The following HIRA variants were observed in gnomAD, a reference collection of about 807,000 sequenced individuals.
HIRA encodes the protein histone cell cycle regulator, also known as protein HIRA.
HIRA carries 13 observed loss-of-function variants against 126.6 expected under a neutral mutation model. The observed-to-expected ratio is 0.10, with a 90% CI of 0.07 to 0.16. The LOEUF is 0.16. HIRA is among the 10% of genes least tolerant of loss of function. HIRA has a pLI of 1.00. For synonymous variants in HIRA, 511 were observed against 520.0 expected (o/e 0.98, Z 0.24); for missense variants, 834 against 1,314.4 (o/e 0.63, Z 5.65).
chr22:19,350,225 G>A (rs1556010396), intron 24 of HIRA, among the ~76,000 whole-genome samples: 1 of 152,060 alleles, frequency 6.6e-6, no homozygotes, highest in Non-Finnish European at 1.5e-5. Flanking sequence ...CTCTCCATAA[G>A]AAAGCAGATC....
chr22:19,356,153 T>A, intron 20 of HIRA, 77 bp downstream of exon 20: 1 of 1,375,222 alleles, frequency 7.3e-7, no homozygotes, highest in Non-Finnish European at 1.0e-6. Context: ...CCTGGCTCTC[T>A]GAGCGGGGCC....
chr22:19,364,047 T>C (rs1293384318), intron 15 of HIRA, among the ~76,000 whole-genome samples: 1 of 152,002 alleles, frequency 6.6e-6, no homozygotes, highest in Non-Finnish European at 1.5e-5. Flanking sequence ...TGGTGGGGGA[T>C]GCTGAAAGTG....
intron 1 of HIRA, among the ~76,000 whole-genome samples, chr22:19,420,040 TTGTGTGTGTG>T (rs59900884): frequency 8.4e-4 from 124 of 147,318 alleles, no homozygotes; most frequent in African/African-American, 2.8e-3. Context: ...CATACAACCA[TTGTGTGTGTG>T]TGTGTGTGTG....
intron 1 of HIRA, chr22:19,430,338 G>A (rs1302814654): frequency 2.0e-5 from 3 of 152,290 alleles, no homozygotes; most frequent in African/African-American, 7.2e-5. Flanking sequence ...CACACAAGAT[G>A]GAAGGAGAGA....
chr22:19,411,667 T>C (rs2089353921), intron 1 of HIRA, among the ~76,000 whole-genome samples: 1 of 152,250 alleles, frequency 6.6e-6, no homozygotes, highest in South Asian at 2.1e-4. Context: ...AGGAGATACA[T>C]GACAATGATC....
intron 15 of HIRA, among the ~76,000 whole-genome samples, chr22:19,362,421 A>G (rs2088872520): frequency 6.6e-6 from 1 of 152,152 alleles, no homozygotes; most frequent in Admixed American, 6.5e-5. Context: ...TCTTTCTACT[A>G]CCCATGAAGT....
chr22:19,348,765 A>G (rs2088719440), intron 24 of HIRA, among the ~76,000 whole-genome samples: 1 of 151,082 alleles, frequency 6.6e-6, no homozygotes, highest in African/African-American at 2.4e-5. Flanking sequence ...AAAGTGCTGG[A>G]ATTACAGGAG....
chr22:19,411,731 G>GA (rs1440232539), intron 1 of HIRA, among the ~76,000 whole-genome samples: 1 of 152,142 alleles, frequency 6.6e-6, no homozygotes. Context: ...TCTCTTAATT[G>GA]AACATGTTCT....
intron 13 of HIRA, among the ~76,000 whole-genome samples, chr22:19,382,771 CTTTT>C (rs796469831): frequency 3.9e-5 from 4 of 102,110 alleles, no homozygotes; most frequent in African/African-American, 6.4e-5. Context: ...ATTTTTCTTT[CTTTT>C]TTTTTTTTTT....
At position 19,407,255 on chromosome 22, in the gene HIRA, C is replaced by T; in HGVS notation, c.231G>A (p.Arg77=). The T allele has an allele frequency of 1.2e-6, 2 of 1,613,800 alleles. No homozygotes were observed. The highest frequency in any genetic ancestry group is 1.7e-6 in the Non-Finnish European group (2 of 1,179,768). The change falls in exon 4 of 25, where the codon CGG becomes CGA. Residue 77 remains arginine (R), a synonymous_variant. Coordinates refer to ENST00000263208, the MANE Select transcript of HIRA (RefSeq NM_003325.4). The stretch of plus-strand genomic sequence containing the variant: ...CTAAATACATCCCACTGTTTGACCA[C>T]CGCACACAGTTCACACATGCTGGGA... ...DNHLACVNCV[R]WSNSGMYLAS...
intron 1 of HIRA, 120 bp downstream of exon 1, chr22:19,431,320 T>C (rs900398542): frequency 1.7e-6 from 2 of 1,169,654 alleles, no homozygotes; most frequent in Admixed American, 3.5e-5. Flanking sequence ...GCTTCTTGGC[T>C]TGGGCACCGG....
chr22:19,347,960 C>G (rs922540181), intron 24 of HIRA, among the ~76,000 whole-genome samples: 1 of 152,024 alleles, frequency 6.6e-6, no homozygotes, highest in Non-Finnish European at 1.5e-5. Context: ...ACAAAACAAA[C>G]AAACAACTTG....
At chr22:19,390,601 C>CAAAAAA (rs575050947) in intron 9 of HIRA, among the ~76,000 whole-genome samples, 550 of 38,316 alleles carry the variant, frequency 0.014, 77 homozygotes, top group South Asian at 0.062. Flanking sequence ...GACTCTGTCT[C>CAAAAAA]AAAAAAAAAA....
intron 2 of HIRA, among the ~76,000 whole-genome samples, chr22:19,409,948 A>G (rs2089338877): frequency 1.3e-5 from 2 of 152,156 alleles, no homozygotes; most frequent in African/African-American, 4.8e-5. Flanking sequence ...TCTGGGTGGA[A>G]GCATCTGCTG....
chr22:19,362,061 T>G, intron 15 of HIRA, 130 bp from the exon 16 acceptor site: 1 of 820,940 alleles, frequency 1.2e-6, no homozygotes, highest in Non-Finnish European at 1.9e-6. Context: ...AAATTATGCC[T>G]CAAAAGTAAA....
chr22:19,343,058 G>C (rs2088648863), intron 24 of HIRA, among the ~76,000 whole-genome samples: 1 of 152,144 alleles, frequency 6.6e-6, no homozygotes, highest in Admixed American at 6.5e-5. Context: ...AGGATGCAAA[G>C]GTATAACAAT....
At chr22:19,388,660 G>T in intron 9 of HIRA, 106 bp from the exon 10 acceptor site, 1 of 810,672 alleles carries the variant, frequency 1.2e-6, no homozygotes, top group Non-Finnish European at 2.1e-6. Context: ...AGTGGCTGCT[G>T]ATATTTAAGG....
Position 19,331,506 on chromosome 22 carries a change from C to T in HIRA, c.2988G>A (p.Gln996=). The change falls in exon 25 of 25, where the codon CAG becomes CAA. Residue 996 remains glutamine (Q), a synonymous_variant. Transcript: ENST00000263208. ...LLKELLPVIG[Q]NLRFQRLFTE... ...TGAAGAGGCGCTGGAATCGGAGGTTCTGCCCGATGACTGGTAGCAGCTCCT... is the reference window on the plus strand; with the variant it reads ...TGAAGAGGCGCTGGAATCGGAGGTTTTGCCCGATGACTGGTAGCAGCTCCT... 1 of 1,613,402 alleles carries T rather than the reference C, an allele frequency of 6.2e-7. No individual in the cohort carries two copies. Among genetic ancestry groups the T allele is most frequent in the Non-Finnish European group, 8.5e-7 (1 of 1,179,508 alleles).
chr22:19,331,591 C>A, intron 24 of HIRA, 35 bp from the exon 25 acceptor site: 1 of 1,552,568 alleles, frequency 6.4e-7, no homozygotes, highest in South Asian at 1.2e-5. Flanking sequence ...GTGCAAGTGT[C>A]AGTGAAGAGA....
Sources: gnomAD v4.1 joint callset for allele counts (sites outside exome capture counted in the v4.1 genomes callset) on GRCh38, gnomAD v4.1.1 for gene constraint, MANE v1.5 for transcripts, NCBI Gene and HGNC (gene_info 2026-07-23, HGNC 2026-07-21) for gene names.